The following FAM149B1 variants were observed in gnomAD, a reference collection of about 807,000 sequenced individuals.
FAM149B1 encodes the protein family with sequence similarity 149 member B1.
FAM149B1 carries 56 observed loss-of-function variants against 75.3 expected under a neutral mutation model. The ratio of observed to expected loss-of-function variants is 0.74; its 90% confidence interval spans 0.60 to 0.93. The LOEUF (loss-of-function observed/expected upper bound fraction) is 0.93, where lower values mean the gene tolerates loss of function less well. Ranked by LOEUF, FAM149B1 falls within the 40% of genes least tolerant of loss-of-function variation. FAM149B1 has a pLI of 0.00. For missense variants in FAM149B1, 639 were observed against 708.4 expected, an observed-to-expected ratio of 0.90 and a Z score of 1.11; for synonymous variants, 259 against 256.1, an observed-to-expected ratio of 1.01 and a Z score of -0.11.
chr10:73,224,309 T>TACTC (rs370442252), intron 7 of FAM149B1, among the ~76,000 whole-genome samples: 4 of 152,138 alleles, frequency 2.6e-5, no homozygotes, highest in African/African-American at 9.7e-5. Flanking sequence ...CACTAGTACA[T>TACTC]ACTCAGTACA....
intron 12 of FAM149B1, 105 bp from the exon 13 acceptor site, chr10:73,239,207 T>G (rs2133417077): frequency 2.2e-6 from 2 of 923,650 alleles, no homozygotes; most frequent in Admixed American, 4.2e-5. Context: ...TGGTAGTCTA[T>G]GCCTTTTACC....
chr10:73,189,292 G>C (rs1011645058), intron 3 of FAM149B1, among the ~76,000 whole-genome samples: 1 of 152,170 alleles, frequency 6.6e-6, no homozygotes. Flanking sequence ...CACATTTCTG[G>C]TAGGAGTGCT....
chr10:73,235,972 G>T, intron 12 of FAM149B1, among the ~76,000 whole-genome samples: 1 of 152,144 alleles, frequency 6.6e-6, no homozygotes, highest in African/African-American at 2.4e-5. Context: ...TGTAGGCTGG[G>T]AGCTCGACCC....
intron 7 of FAM149B1, among the ~76,000 whole-genome samples, chr10:73,222,002 CTA>C (rs1440277531): frequency 4.6e-5 from 7 of 151,948 alleles, no homozygotes; most frequent in Admixed American, 4.6e-4. Flanking sequence ...TTCCATGTCT[CTA>C]TTTGATATTT....
chr10:73,218,137 T>C (rs1219571725), intron 7 of FAM149B1, among the ~76,000 whole-genome samples: 1 of 152,074 alleles, frequency 6.6e-6, no homozygotes, highest in Non-Finnish European at 1.5e-5. Context: ...ATAGCACAGT[T>C]AAAAGGAGTG....
chr10:73,174,756 C>A lies in FAM149B1; in HGVS notation c.117C>A (p.Thr39=). 6.4e-7 allele frequency: 1 copy of A among 1,551,128 alleles called. No homozygotes were observed. The highest frequency in any genetic ancestry group is 8.7e-7 in the Non-Finnish European group (1 of 1,146,484). ...PPEKLEEISP[T]SDSHEKDTSS... ...AGAAGCTGGAGGAAATTTCCCCCAC[C>A]AGTGACAGTCATGAGAAAGACACAA... Residue 39 remains threonine (T), a synonymous_variant, in exon 2 of 14, where the codon ACC becomes ACA. Coordinates refer to ENST00000242505, the MANE Select transcript of FAM149B1 (RefSeq NM_173348.2).
Position 73,230,436 on chromosome 10 carries a change from A to G in FAM149B1, c.1038A>G (p.Gln346=), listed in dbSNP as rs1420913362. Residue 346 remains glutamine, a synonymous_variant, in exon 9 of 14, where the codon CAA becomes CAG. Transcript: ENST00000242505. ...YITSNPMSLC[Q]ASRHQPNVND... is the part of the protein sequence containing the mutation. ...TCAACACGTAGATGAGTCTCTGTCA[A>G]GCAAGCAGACATCAGCCAAATGTGA... is the stretch of plus-strand genomic sequence containing the variant. The G allele has an allele frequency of 6.5e-7, 1 of 1,542,418 alleles. No individual in the cohort carries two copies. The highest frequency in any genetic ancestry group is 8.8e-7 in the Non-Finnish European group (1 of 1,138,256).
At chr10:73,227,990 T>A (rs558437694) in intron 7 of FAM149B1, 70 bp from the exon 8 acceptor site, 1 of 1,455,108 alleles carries the variant, frequency 6.9e-7, no homozygotes, top group East Asian at 2.5e-5. Context: ...AGGAGAGATC[T>A]TTTTTCACAA....
At chr10:73,179,797 A>G (rs1392490943) in intron 3 of FAM149B1, among the ~76,000 whole-genome samples, 2 of 152,252 alleles carry the variant, frequency 1.3e-5, no homozygotes, top group Non-Finnish European at 2.9e-5. Context: ...TGATACATGT[A>G]CATACTATTT....
intron 10 of FAM149B1, among the ~76,000 whole-genome samples, chr10:73,233,883 A>G (rs1250368337): frequency 2.0e-5 from 3 of 152,218 alleles, no homozygotes; most frequent in Admixed American, 6.5e-5. Context: ...TGCTTATTCC[A>G]TTGACAATGA....
chr10:73,238,952 T>C (rs1270400650), intron 12 of FAM149B1: 1 of 166,364 alleles, frequency 6.0e-6, no homozygotes. Flanking sequence ...AGGCTGGTTG[T>C]TTTAAATGAA....
chr10:73,194,010 G>T (rs945341560), intron 5 of FAM149B1, among the ~76,000 whole-genome samples: 6 of 152,122 alleles, frequency 3.9e-5, no homozygotes, highest in Middle Eastern at 3.4e-3. Flanking sequence ...GCCAACTCAG[G>T]TTTCTCTTTC....
chr10:73,214,721 T>C (rs1175431159), intron 7 of FAM149B1, among the ~76,000 whole-genome samples: 1 of 152,222 alleles, frequency 6.6e-6, no homozygotes, highest in Non-Finnish European at 1.5e-5. Flanking sequence ...TGTTGAGGGT[T>C]CTTGTCCATA....
intron 3 of FAM149B1, among the ~76,000 whole-genome samples, chr10:73,185,016 G>A (rs12258994): frequency 0.16 from 23,931 of 152,052 alleles, 3,127 homozygotes; most frequent in African/African-American, 0.34. Flanking sequence ...AGAAAGAAGA[G>A]AGATTGACAT....
intron 5 of FAM149B1, chr10:73,201,207 A>C (rs2042927804): frequency 4.2e-6 from 1 of 237,088 alleles, no homozygotes; most frequent in Non-Finnish European, 9.1e-6. Context: ...AAATGCCCAT[A>C]AATGTAGCTG....
rs370597793 is a variant in FAM149B1, at chr10:73,233,085, C to G, written c.1274C>G (p.Thr425Ser). ...STRRRNPPPR[T>S]LHPISTSHSC... ...AGGAGACGCAATCCACCACCACGAA[C>G]TCTTCATCCGATCAGCACGAGCCAT... Residue 425 changes from threonine to serine, a missense_variant, in exon 10 of 14, where the codon ACT becomes AGT. Thr to Ser is a moderately conservative substitution (Grantham distance 58). Coordinates refer to ENST00000242505, the MANE Select transcript of FAM149B1 (RefSeq NM_173348.2). The G allele has an allele frequency of 5.8e-6, 9 of 1,551,592 alleles. No individual in the cohort carries two copies. The African/African-American group carries it at 1.1e-4, about 19-fold the overall frequency.
rs1054257175 is a variant in FAM149B1, at chr10:73,241,144, T to C, written c.*125T>C. 6 of 685,776 alleles carry C rather than the reference T, an allele frequency of 8.7e-6. No homozygotes were observed. The highest frequency in any genetic ancestry group is 8.6e-5 in the Admixed American group (4 of 46,250). 42.5% of individuals were successfully genotyped at this position (685,776 alleles called of 1,614,324 possible). A position where few individuals can be genotyped will look rare whatever the true frequency, so the allele number is the denominator to read the frequency against. On this transcript the variant is annotated 3_prime_UTR_variant, in exon 14 of 14. Transcript: ENST00000242505. ...GAAATCATCTTCATGAAGAGTGATT[T>C]TGGCACAAGTGACCGAAGAACAAAA...
intron 5 of FAM149B1, among the ~76,000 whole-genome samples, chr10:73,206,760 C>T (rs531844745): frequency 7.0e-4 from 107 of 152,162 alleles, no homozygotes; most frequent in African/African-American, 2.5e-3. Context: ...ACTAAAAATA[C>T]GAAAATTAGC....
chr10:73,191,619 GT>G, intron 3 of FAM149B1, among the ~76,000 whole-genome samples: 1 of 152,250 alleles, frequency 6.6e-6, no homozygotes, highest in East Asian at 1.9e-4. Flanking sequence ...GATTACAGGT[GT>G]GAGCCACTGT....
Sources: gnomAD v4.1 joint callset for allele counts (sites outside exome capture counted in the v4.1 genomes callset) on GRCh38, gnomAD v4.1.1 for gene constraint, MANE v1.5 for transcripts, NCBI Gene and HGNC (gene_info 2026-07-23, HGNC 2026-07-21) for gene names.